Variants in TNNI3K observed in about 807,000 individuals in gnomAD.
TNNI3K encodes the protein TNNI3 interacting kinase, also known as serine/threonine-protein kinase TNNI3K.
Under a neutral mutation model 114.5 loss-of-function variants are expected in TNNI3K, and 140 were observed. That is an observed-to-expected ratio of 1.22 (90% confidence interval 1.07 to 1.41). The LOEUF (loss-of-function observed/expected upper bound fraction) is 1.41. Among genes scored for constraint, TNNI3K ranks in the 40% most tolerant of loss-of-function variants. The pLI is 0.00. For missense variants in TNNI3K, 1,125 were observed against 1,007.6 expected, an observed-to-expected ratio of 1.12 and a Z score of -1.58; for synonymous variants, 347 against 347.5, an observed-to-expected ratio of 1.00 and a Z score of 0.02.
intron 9 of TNNI3K, among the ~76,000 whole-genome samples, chr1:74,352,960 G>A (rs904427304): frequency 3.3e-5 from 5 of 152,196 alleles, no homozygotes; most frequent in Middle Eastern, 3.4e-3. Flanking sequence ...GGCATGGTGC[G>A]CTTCACCCAC....
At chr1:74,325,346 T>TCTGTGGGA (rs894471790) in intron 5 of TNNI3K, among the ~76,000 whole-genome samples, 4 of 152,048 alleles carry the variant, frequency 2.6e-5, no homozygotes, top group African/African-American at 7.2e-5. Context: ...CTCAGCCAGG[T>TCTGTGGGA]CTGTGGGACG....
rs1553127052 is a variant in TNNI3K, at chr1:74,281,352, G to GTGTGTA, written c.444+9649_444+9650insATGTGT. 4.9e-4 allele frequency among the ~76,000 whole-genome samples: 74 copies of GTGTGTA among 152,058 alleles called. 1 individual carries two copies. The highest frequency in any genetic ancestry group is 1.7e-3 in the African/African-American group (70 of 41,478). ...ATAATAGATGTGTGTGTGTGTGTGT[G>GTGTGTA]TGTGTGTGTAATGTCAATATATGTC... On this transcript the variant is annotated intron_variant, in intron 5 of 24. Transcript: ENST00000326637.
At chr1:74,501,857 G>GA (rs1276907477) in intron 23 of TNNI3K, among the ~76,000 whole-genome samples, 12 of 152,092 alleles carry the variant, frequency 7.9e-5, no homozygotes, top group African/African-American at 2.9e-4. Context: ...TGGGCTGGCA[G>GA]ATGAGACTTC....
At chr1:74,318,904 T>C (rs1381146626) in intron 5 of TNNI3K, among the ~76,000 whole-genome samples, 2 of 152,370 alleles carry the variant, frequency 1.3e-5, no homozygotes, top group East Asian at 3.9e-4. Flanking sequence ...ACTATTCCAA[T>C]GTAAAAGTCA....
intron 20 of TNNI3K, among the ~76,000 whole-genome samples, chr1:74,451,456 T>G (rs1394543630): frequency 6.6e-6 from 1 of 152,000 alleles, no homozygotes; most frequent in East Asian, 1.9e-4. Context: ...TATAGAAATA[T>G]AATAAATTTT....
chr1:74,350,723 G>A (rs1661291307), intron 9 of TNNI3K, among the ~76,000 whole-genome samples: 1 of 151,978 alleles, frequency 6.6e-6, no homozygotes, highest in South Asian at 2.1e-4. Context: ...TTATGTAATG[G>A]CCTTCTTTGT....
intron 23 of TNNI3K, among the ~76,000 whole-genome samples, chr1:74,509,357 TGAA>T (rs1217932538): frequency 2.6e-5 from 4 of 152,204 alleles, no homozygotes; most frequent in African/African-American, 7.2e-5. Flanking sequence ...CTATAATCCC[TGAA>T]AATAAAGCGA....
intron 23 of TNNI3K, among the ~76,000 whole-genome samples, chr1:74,533,276 G>T (rs1175253645): frequency 6.6e-6 from 1 of 152,044 alleles, no homozygotes; most frequent in Non-Finnish European, 1.5e-5. Context: ...CTTCTCAAAA[G>T]AAGACATTTA....
intron 20 of TNNI3K, among the ~76,000 whole-genome samples, chr1:74,451,038 G>T (rs961478287): frequency 1.3e-5 from 2 of 152,136 alleles, no homozygotes; most frequent in Non-Finnish European, 2.9e-5. Context: ...GGAAAATGTG[G>T]TACATATACA....
intron 4 of TNNI3K, among the ~76,000 whole-genome samples, chr1:74,258,826 A>C (rs1365663787): frequency 6.6e-6 from 1 of 152,238 alleles, no homozygotes; most frequent in Non-Finnish European, 1.5e-5. Flanking sequence ...TCATATAGTA[A>C]CATACGTTTA....
At chr1:74,335,597 A>C (rs1660422412) in intron 6 of TNNI3K, among the ~76,000 whole-genome samples, 1 of 152,150 alleles carries the variant, frequency 6.6e-6, no homozygotes, top group Admixed American at 6.5e-5. Context: ...TGGTTTAGAA[A>C]GTTGCAAATG....
chr1:74,306,501 T>C (rs1224905818), intron 5 of TNNI3K, among the ~76,000 whole-genome samples: 1 of 152,248 alleles, frequency 6.6e-6, no homozygotes, highest in Non-Finnish European at 1.5e-5. Context: ...ACCAACAGTC[T>C]ATAAGTGTTT....
chr1:74,236,030 G>A, intron 1 of TNNI3K, 72 bp from the exon 2 acceptor site: 2 of 1,139,780 alleles, frequency 1.8e-6, no homozygotes, highest in Non-Finnish European at 2.5e-6. Context: ...TTGATTACTT[G>A]TATGTTATGA....
chr1:74,299,874 A>G (rs1182259627), intron 5 of TNNI3K, among the ~76,000 whole-genome samples: 3 of 152,158 alleles, frequency 2.0e-5, no homozygotes, highest in Non-Finnish European at 2.9e-5. Flanking sequence ...AATATTTGCT[A>G]CATTGTATTA....
At chr1:74,456,112 A>G (rs1667213212) in intron 20 of TNNI3K, among the ~76,000 whole-genome samples, 1 of 152,216 alleles carries the variant, frequency 6.6e-6, no homozygotes. Context: ...GAAGCAGGGA[A>G]ATCAGTTCAT....
chr1:74,353,909 C>A (rs1432381553), intron 10 of TNNI3K, 71 bp from the exon 11 acceptor site: 6 of 1,533,892 alleles, frequency 3.9e-6, no homozygotes, highest in African/African-American at 1.4e-5. Context: ...GTGGTGATGA[C>A]TGTCTTTTGA....
intron 9 of TNNI3K, among the ~76,000 whole-genome samples, chr1:74,349,053 G>A (rs1351975883): frequency 6.6e-6 from 1 of 152,148 alleles, no homozygotes; most frequent in Non-Finnish European, 1.5e-5. Context: ...AGTGGTGAGA[G>A]AGGGCATCCC....
At chr1:74,515,862 TA>T (rs1471900642) in intron 23 of TNNI3K, among the ~76,000 whole-genome samples, 1 of 152,206 alleles carries the variant, frequency 6.6e-6, no homozygotes, top group African/African-American at 2.4e-5. Context: ...CATTAGTTAT[TA>T]AAAGGACTAT....
rs60688934 is a variant in TNNI3K at position 74,543,064 on chromosome 1, C to CTTTTTTT, written c.2432-819_2432-813dup. 2.1e-3 allele frequency among the ~76,000 whole-genome samples: 14 copies of CTTTTTTT among 6,760 alleles called. 4 individuals carry two copies. The highest frequency in any genetic ancestry group is 2.5e-3 in the Non-Finnish European group (7 of 2,798). The allele number at this position is 6,760 out of a possible 152,430, so 4.4% of individuals were successfully genotyped here. ...CTTTTCCTTTTCTTTTTCTTTTTCCCTTTTTTTTTTTTTTTTTTTTTTTTT... is the reference window on the plus strand; with the variant it reads ...CTTTTCCTTTTCTTTTTCTTTTTCCCTTTTTTTTTTTTTTTTTTTTTTTTTTTTTTTT... On this transcript the variant is annotated intron_variant, in intron 24 of 24. Transcript: ENST00000326637.
Sources: gnomAD v4.1 joint callset for allele counts (sites outside exome capture counted in the v4.1 genomes callset) on GRCh38, gnomAD v4.1.1 for gene constraint, MANE v1.5 for transcripts, NCBI Gene and HGNC (gene_info 2026-07-23, HGNC 2026-07-21) for gene names.